The following LPP variants were observed in gnomAD, a reference collection of about 807,000 sequenced individuals.
LPP encodes the protein lipoma-preferred partner.
Under a neutral mutation model 60.4 loss-of-function variants are expected in LPP, and 38 were observed. The ratio of observed to expected loss-of-function variants is 0.63; its 90% CI spans 0.49 to 0.83. The LOEUF is 0.83. Among genes scored for constraint, LPP ranks in the 40% least tolerant of loss-of-function variants. The pLI is 0.00. For missense variants in LPP, 902 were observed against 783.6 expected (o/e 1.15, Z -1.80); for synonymous variants, 328 against 290.8 (o/e 1.13, Z -1.30).
chr3:188,265,187 ATTG>A (rs764601053), intron 2 of LPP, among the ~76,000 whole-genome samples: 41 of 152,196 alleles, frequency 2.7e-4, no homozygotes, highest in Middle Eastern at 3.4e-3. Context: ...TTTTTCAGCT[ATTG>A]TTGTTGTTTG....
chr3:188,425,226 T>A (rs910771416), intron 4 of LPP, among the ~76,000 whole-genome samples: 1 of 152,240 alleles, frequency 6.6e-6, no homozygotes, highest in African/African-American at 2.4e-5. Flanking sequence ...TCATTGGTTC[T>A]GTTTATGTGA....
intron 9 of LPP, among the ~76,000 whole-genome samples, chr3:188,854,943 C>G (rs1031004649): frequency 1.3e-5 from 2 of 152,150 alleles, no homozygotes; most frequent in African/African-American, 4.8e-5. Context: ...GATCTTGATT[C>G]TAATGGATGA....
intron 9 of LPP, among the ~76,000 whole-genome samples, chr3:188,828,733 G>A (rs1266989325): frequency 6.6e-6 from 1 of 151,270 alleles, no homozygotes; most frequent in Non-Finnish European, 1.5e-5. Context: ...GAGTCATTAG[G>A]GAAACTAGTA....
At position 188,441,617 on chromosome 3, in the gene LPP, T is replaced by C. The variant is rs1490371017; in HGVS notation, c.193+35304T>C. On this transcript the variant is annotated intron_variant, in intron 4 of 11. Transcript: ENST00000617246. ...TTTTTTTCTTTTCTTTTCTTTTTTT[T>C]TTTTTTTTTTTTTTTTTTTTTGAGA... 2.5e-4 allele frequency among the ~76,000 whole-genome samples: 24 copies of C among 96,212 alleles called. 1 individual carries two copies. Among genetic ancestry groups the C allele is most frequent in the East Asian group, 1.6e-3 (7 of 4,280 alleles). The allele number at this position is 96,212 out of a possible 152,430, so 63.1% of individuals were successfully genotyped here.
chr3:188,444,152 A>T (rs942351431), intron 4 of LPP, among the ~76,000 whole-genome samples: 2 of 152,192 alleles, frequency 1.3e-5, no homozygotes, highest in Non-Finnish European at 2.9e-5. Context: ...GGAAGGGAAT[A>T]ACTAAATAAT....
intron 1 of LPP, among the ~76,000 whole-genome samples, chr3:188,189,127 C>T (rs927435124): frequency 3.9e-5 from 6 of 152,086 alleles, no homozygotes; most frequent in African/African-American, 1.2e-4. Flanking sequence ...ACTCTGTCAC[C>T]CAGGCTGGAA....
At chr3:188,786,857 T>C (rs1742084048) in intron 9 of LPP, among the ~76,000 whole-genome samples, 2 of 152,194 alleles carry the variant, frequency 1.3e-5, no homozygotes. Flanking sequence ...TGATTCTATA[T>C]ATAACATTCT....
chr3:188,303,089 C>A (rs1223064265), intron 2 of LPP, among the ~76,000 whole-genome samples: 1 of 152,146 alleles, frequency 6.6e-6, no homozygotes, highest in East Asian at 1.9e-4. Flanking sequence ...TATACTAGAA[C>A]AAGGGATGGT....
At chr3:188,326,473 T>C (rs1758454980) in intron 2 of LPP, among the ~76,000 whole-genome samples, 1 of 152,224 alleles carries the variant, frequency 6.6e-6, no homozygotes, top group African/African-American at 2.4e-5. Context: ...CAGCTAAAAT[T>C]GAATTTCCTG....
chr3:188,697,355 C>T (rs933010550), intron 7 of LPP, among the ~76,000 whole-genome samples: 3 of 152,170 alleles, frequency 2.0e-5, no homozygotes, highest in Non-Finnish European at 2.9e-5. Context: ...AAATTTACCT[C>T]GCCATGGAAA....
chr3:188,719,324 G>A (rs1326470191), intron 8 of LPP, among the ~76,000 whole-genome samples: 3 of 152,048 alleles, frequency 2.0e-5, no homozygotes, highest in Non-Finnish European at 4.4e-5. Flanking sequence ...CTTTTCTTAC[G>A]TTTACTTGAG....
At chr3:188,569,825 A>C (rs550956497) in intron 6 of LPP, among the ~76,000 whole-genome samples, 1 of 152,116 alleles carries the variant, frequency 6.6e-6, no homozygotes, top group South Asian at 2.1e-4. Flanking sequence ...TATTTGGCAA[A>C]AAGTTTTTAT....
chr3:188,792,509 C>T (rs1268291978), intron 9 of LPP, among the ~76,000 whole-genome samples: 1 of 152,190 alleles, frequency 6.6e-6, no homozygotes, highest in Non-Finnish European at 1.5e-5. Context: ...ATTGCCCCTT[C>T]CCTCTTCTCT....
intron 1 of LPP, chr3:188,178,732 C>T (rs548620540): frequency 4.9e-4 from 76 of 155,776 alleles, no homozygotes; most frequent in Middle Eastern, 3.3e-3. Context: ...TTCCAGGGAC[C>T]GGGGACTAGA....
intron 2 of LPP, among the ~76,000 whole-genome samples, chr3:188,291,920 T>C (rs1746124544): frequency 6.6e-6 from 1 of 152,168 alleles, no homozygotes; most frequent in Non-Finnish European, 1.5e-5. Context: ...CCTGATTTGA[T>C]TGTAAGGAGG....
intron 4 of LPP, among the ~76,000 whole-genome samples, chr3:188,471,158 C>T (rs1487284543): frequency 6.6e-6 from 1 of 152,156 alleles, no homozygotes; most frequent in Non-Finnish European, 1.5e-5. Context: ...GCTCTGTATT[C>T]TATTCCATTT....
chr3:188,810,601 A>C (rs990313371), intron 9 of LPP, among the ~76,000 whole-genome samples: 1 of 152,168 alleles, frequency 6.6e-6, no homozygotes. Flanking sequence ...ATACTTTATC[A>C]TAAGTATGTA....
chr3:188,618,178 T>G (rs1443439686), intron 7 of LPP, among the ~76,000 whole-genome samples: 1 of 152,186 alleles, frequency 6.6e-6, no homozygotes, highest in Non-Finnish European at 1.5e-5. Context: ...AGTTCTTTGA[T>G]TTTTCTGGAG....
chr3:188,332,031 T>C (rs1760230976), intron 2 of LPP, among the ~76,000 whole-genome samples: 1 of 152,222 alleles, frequency 6.6e-6, no homozygotes, highest in African/African-American at 2.4e-5. Flanking sequence ...ACATGTGCAC[T>C]TGGTTTTAAA....
Sources: gnomAD v4.1 joint callset for allele counts (sites outside exome capture counted in the v4.1 genomes callset) on GRCh38, gnomAD v4.1.1 for gene constraint, MANE v1.5 for transcripts, NCBI Gene and HGNC (gene_info 2026-07-23, HGNC 2026-07-21) for gene names.